SLC36A1: variants seen among roughly 807,000 people sequenced by gnomAD.
SLC36A1 encodes the protein proton-coupled amino acid transporter 1.
SLC36A1 carries 30 observed loss-of-function variants against 47.5 expected under a neutral mutation model. The ratio of observed to expected loss-of-function variants is 0.63; its 90% CI spans 0.47 to 0.86. The LOEUF (loss-of-function observed/expected upper bound fraction) is 0.86, where lower values mean the gene tolerates loss of function less well. Among genes scored for constraint, SLC36A1 ranks in the 40% least tolerant of loss-of-function variants. The pLI is 0.00. For missense variants in SLC36A1, 517 were observed against 606.0 expected, an observed-to-expected ratio of 0.85 and a Z score of 1.54; for synonymous variants, 255 against 249.7, an observed-to-expected ratio of 1.02 and a Z score of -0.20.
intron 1 of SLC36A1, among the ~76,000 whole-genome samples, chr5:151,439,088 G>A (rs1350378200): frequency 6.6e-6 from 1 of 151,512 alleles, no homozygotes; most frequent in Non-Finnish European, 1.5e-5. Flanking sequence ...GAAGGTGAAG[G>A]GGAAGCAGGC....
chr5:151,354,318 A>G, the SLC36A1 span, among the ~76,000 whole-genome samples: 1 of 152,024 alleles, frequency 6.6e-6, no homozygotes, highest in African/African-American at 2.4e-5. Context: ...AAACAAAGAA[A>G]CAAACAAATT....
At chr5:151,528,836 C>T in the SLC36A1 span, among the ~76,000 whole-genome samples, 2 of 152,170 alleles carry the variant, frequency 1.3e-5, no homozygotes, top group Non-Finnish European at 2.9e-5. Context: ...CCACGTCACC[C>T]GCTATGACCA....
the SLC36A1 span, among the ~76,000 whole-genome samples, chr5:151,536,287 A>G: frequency 6.6e-6 from 1 of 152,170 alleles, no homozygotes; most frequent in Non-Finnish European, 1.5e-5. Flanking sequence ...AGCAGCAGAG[A>G]GAGGTTAAAT....
chr5:151,379,613 T>C, the SLC36A1 span, among the ~76,000 whole-genome samples: 1 of 152,242 alleles, frequency 6.6e-6, no homozygotes, highest in East Asian at 1.9e-4. Context: ...ATTACAGGCA[T>C]GAGCCACCGT....
At chr5:151,521,831 T>C in the SLC36A1 span, 10 of 1,614,142 alleles carry the variant, frequency 6.2e-6, no homozygotes, top group Non-Finnish European at 7.6e-6. Flanking sequence ...TGGGCGGCGA[T>C]AATCTTGCCA....
At chr5:151,512,523 G>A in the SLC36A1 span, 1 of 1,614,210 alleles carries the variant, frequency 6.2e-7, no homozygotes, top group Non-Finnish European at 8.5e-7. The surrounding 1 kb of genome is among the most constrained non-coding windows in gnomAD (Gnocchi z 4.1). Context: ...GCCACTCGTG[G>A]TCATTCACAT....
chr5:151,527,503 C>T, the SLC36A1 span: 5 of 856,250 alleles, frequency 5.8e-6, no homozygotes, highest in African/African-American at 6.9e-5. Flanking sequence ...ACCCCCACTG[C>T]CCACCCGTAG....
chr5:151,352,477 A>G, the SLC36A1 span, among the ~76,000 whole-genome samples: 2 of 152,144 alleles, frequency 1.3e-5, no homozygotes, highest in Admixed American at 6.5e-5. Flanking sequence ...TTGGTTTCCT[A>G]TGGCTGCTCT....
the SLC36A1 span, chr5:151,546,080 A>G: frequency 2.2e-5 from 35 of 1,614,090 alleles, no homozygotes; most frequent in Admixed American, 1.5e-4. Flanking sequence ...CTCATAGCAG[A>G]GACAAGGAGG....
At chr5:151,555,195 A>G in the SLC36A1 span, among the ~76,000 whole-genome samples, 1 of 152,208 alleles carries the variant, frequency 6.6e-6, no homozygotes, top group Non-Finnish European at 1.5e-5. Context: ...ACATGCATCA[A>G]TAGCCCCAAG....
chr5:151,408,136 A>T, the SLC36A1 span, among the ~76,000 whole-genome samples: 1 of 152,108 alleles, frequency 6.6e-6, no homozygotes, highest in African/African-American at 2.4e-5. Context: ...GCATATCTTG[A>T]GTCATTTATT....
chr5:151,451,900 C>T (rs1312686665), intron 1 of SLC36A1, among the ~76,000 whole-genome samples: 1 of 152,136 alleles, frequency 6.6e-6, no homozygotes, highest in Non-Finnish European at 1.5e-5. Context: ...AGAAAGAATA[C>T]TGGACTGGGA....
At chr5:151,477,266 C>T (rs1179589507) in intron 9 of SLC36A1, among the ~76,000 whole-genome samples, 1 of 152,066 alleles carries the variant, frequency 6.6e-6, no homozygotes, top group Non-Finnish European at 1.5e-5. Flanking sequence ...GGGTGAATGT[C>T]CCAGGGCATG....
the SLC36A1 span, among the ~76,000 whole-genome samples, chr5:151,409,612 G>A: frequency 0.16 from 24,600 of 152,032 alleles, 2,260 homozygotes; most frequent in East Asian, 0.37. Flanking sequence ...TTACCTAGAG[G>A]CTTGTCAGGA....
the SLC36A1 span, chr5:151,507,108 C>G: frequency 2.0e-6 from 3 of 1,490,440 alleles, no homozygotes; most frequent in Non-Finnish European, 2.7e-6. Flanking sequence ...GAACCACCAC[C>G]CACTTCCATC....
the SLC36A1 span, chr5:151,517,897 G>T: frequency 8.9e-7 from 1 of 1,126,442 alleles, no homozygotes. Flanking sequence ...AAGAAACTAG[G>T]CTGGGTGTGG....
chr5:151,345,870 C>T, the SLC36A1 span, among the ~76,000 whole-genome samples: 3 of 152,210 alleles, frequency 2.0e-5, no homozygotes, highest in African/African-American at 7.2e-5. Context: ...GCAGCCAACA[C>T]TTACAGACAC....
chr5:151,416,833 A>G, the SLC36A1 span, among the ~76,000 whole-genome samples: 1 of 152,220 alleles, frequency 6.6e-6, no homozygotes, highest in African/African-American at 2.4e-5. Context: ...CCACATGTCA[A>G]AGGAGAGACC....
chr5:151,455,231 T>G (rs1220854858), intron 1 of SLC36A1, among the ~76,000 whole-genome samples: 2 of 152,170 alleles, frequency 1.3e-5, no homozygotes, highest in Non-Finnish European at 2.9e-5. Context: ...TGTCTACCCA[T>G]GATTCTCTCA....
Sources: allele counts gnomAD v4.1 joint callset (sites outside exome capture counted in the v4.1 genomes callset), GRCh38; gene constraint gnomAD v4.1.1; non-coding constraint Gnocchi (gnomAD v3.1); transcripts MANE v1.5; gene names NCBI Gene and HGNC (gene_info 2026-07-23, HGNC 2026-07-21).